Variants in CDH13 observed in about 807,000 individuals in gnomAD.
CDH13 encodes cadherin 13.
In CDH13, 24 loss-of-function variants were observed where a neutral mutation model predicts 63.8. That is an observed-to-expected ratio of 0.38 (90% CI 0.27 to 0.53). The LOEUF is 0.53. CDH13 is among the 20% of genes least tolerant of loss of function. CDH13 has a pLI of 0.85. For missense variants in CDH13, 1,049 were observed against 903.1 expected (o/e 1.16, Z -2.07); for synonymous variants, 503 against 355.3 (o/e 1.42, Z -4.67).
chr16:83,494,368 A>AAG lies in CDH13; in HGVS notation c.960+7717_960+7718dup, dbSNP rs563680333. Among the ~76,000 whole-genome samples, 720 of 152,316 alleles carry AAG rather than the reference A, an allele frequency of 4.7e-3. 9 individuals are homozygous for AAG. The highest frequency in any genetic ancestry group is 0.016 in the African/African-American group (672 of 41,564). On this transcript the variant is annotated intron_variant, in intron 7 of 13. Coordinates refer to ENST00000567109, the MANE Select transcript of CDH13 (RefSeq NM_001257.5). The stretch of plus-strand genomic sequence containing the variant: ...ATGTTAATGCAGGTTTTGCTTCATC[A>AAG]AGAGATTTTCCAGTTATTGAACTTA...
chr16:83,267,829 C>T (rs151211193), intron 5 of CDH13, among the ~76,000 whole-genome samples: 1 of 152,274 alleles, frequency 6.6e-6, no homozygotes, highest in African/African-American at 2.4e-5. Flanking sequence ...GTTGTCATAG[C>T]ATAAAATGGA....
At chr16:83,302,982 C>G (rs547704493) in intron 5 of CDH13, among the ~76,000 whole-genome samples, 110 of 152,326 alleles carry the variant, frequency 7.2e-4, no homozygotes, top group African/African-American at 2.4e-3. Flanking sequence ...CTTTTCATGT[C>G]TCTGATCTAT....
chr16:82,990,616 G>A (rs1284631133), intron 2 of CDH13, among the ~76,000 whole-genome samples: 9 of 149,834 alleles, frequency 6.0e-5, no homozygotes, highest in African/African-American at 2.0e-4. Flanking sequence ...GCACAATCAC[G>A]GCTCACTGCC....
At chr16:82,976,690 A>T (rs17744976) in intron 2 of CDH13, among the ~76,000 whole-genome samples, 3 of 152,174 alleles carry the variant, frequency 2.0e-5, no homozygotes, top group Non-Finnish European at 4.4e-5. Context: ...TGAGGGGTTC[A>T]GACTCCCAAA....
chr16:83,615,549 C>G (rs1209410039), intron 8 of CDH13, among the ~76,000 whole-genome samples: 1 of 152,058 alleles, frequency 6.6e-6, no homozygotes, highest in African/African-American at 2.4e-5. Flanking sequence ...ACATATCTGA[C>G]AGTTTTCAGT....
At chr16:83,163,548 C>G (rs538911239) in intron 4 of CDH13, among the ~76,000 whole-genome samples, 2 of 152,278 alleles carry the variant, frequency 1.3e-5, no homozygotes, top group East Asian at 1.9e-4. Flanking sequence ...TGTCCAGCCC[C>G]GTTCCTCCTG....
At chr16:83,529,442 A>T (rs1025968179) in intron 7 of CDH13, among the ~76,000 whole-genome samples, 5 of 152,212 alleles carry the variant, frequency 3.3e-5, no homozygotes, top group Non-Finnish European at 7.3e-5. Context: ...TTAGATCTCC[A>T]TTCACACTAC....
chr16:83,058,376 A>G (rs2031170702), intron 3 of CDH13, among the ~76,000 whole-genome samples: 1 of 152,194 alleles, frequency 6.6e-6, no homozygotes, highest in Admixed American at 6.5e-5. Context: ...TTCTTCAAGA[A>G]AAGTGTTTGT....
At chr16:82,931,688 G>A (rs772612402) in intron 2 of CDH13, among the ~76,000 whole-genome samples, 24 of 152,056 alleles carry the variant, frequency 1.6e-4, no homozygotes, top group Non-Finnish European at 2.9e-4. Flanking sequence ...GAAGGCAAAG[G>A]CATGACTTAC....
intron 10 of CDH13, among the ~76,000 whole-genome samples, chr16:83,745,371 C>A (rs553989362): frequency 1.6e-4 from 25 of 152,236 alleles, no homozygotes; most frequent in Middle Eastern, 3.4e-3. Context: ...AGGATTGATA[C>A]CAACCCAGAC....
At chr16:83,649,659 G>C (rs1239001747) in intron 8 of CDH13, among the ~76,000 whole-genome samples, 1 of 152,294 alleles carries the variant, frequency 6.6e-6, no homozygotes, top group Non-Finnish European at 1.5e-5. Flanking sequence ...CCTGCAGCCA[G>C]GGGAAGGAGG....
chr16:82,941,856 G>T (rs958559071), intron 2 of CDH13, among the ~76,000 whole-genome samples: 1 of 152,054 alleles, frequency 6.6e-6, no homozygotes. Flanking sequence ...TCATACCCAG[G>T]AAGTTGTTCT....
chr16:83,595,686 A>G (rs539645869), intron 7 of CDH13, among the ~76,000 whole-genome samples: 8 of 152,360 alleles, frequency 5.3e-5, no homozygotes, highest in Admixed American at 2.6e-4. Flanking sequence ...CACCAAGTAC[A>G]TAACTTCTGC....
intron 1 of CDH13, among the ~76,000 whole-genome samples, chr16:82,729,689 C>T (rs1009378686): frequency 6.6e-6 from 1 of 152,110 alleles, no homozygotes; most frequent in Non-Finnish European, 1.5e-5. Flanking sequence ...GCTGTTTAGC[C>T]CCTAACAAGA....
intron 5 of CDH13, among the ~76,000 whole-genome samples, chr16:83,236,567 A>G (rs554487668): frequency 2.6e-5 from 4 of 152,134 alleles, no homozygotes; most frequent in Non-Finnish European, 5.9e-5. Context: ...GCCTTCCTAA[A>G]ATGCTGCAAG....
chr16:83,287,488 A>C (rs1296791558), intron 5 of CDH13, among the ~76,000 whole-genome samples: 1 of 152,116 alleles, frequency 6.6e-6, no homozygotes, highest in East Asian at 1.9e-4. Context: ...GCAGCATTAG[A>C]TTCTCATACG....
intron 4 of CDH13, among the ~76,000 whole-genome samples, chr16:83,199,462 A>C (rs2038964203): frequency 6.6e-6 from 1 of 152,212 alleles, no homozygotes; most frequent in Non-Finnish European, 1.5e-5. Flanking sequence ...CCCATTGGAC[A>C]AATGACTTCA....
intron 11 of CDH13, among the ~76,000 whole-genome samples, chr16:83,754,850 T>TA (rs1349363864): frequency 5.3e-5 from 8 of 152,182 alleles, no homozygotes; most frequent in Non-Finnish European, 1.0e-4. Flanking sequence ...GAAAATGGAC[T>TA]AATACATCAT....
At chr16:82,830,556 C>T (rs760243242) in intron 1 of CDH13, among the ~76,000 whole-genome samples, 4 of 152,110 alleles carry the variant, frequency 2.6e-5, no homozygotes, top group Admixed American at 6.5e-5. Context: ...GGGGTGGGAG[C>T]GCTTAGAAGA....
Sources: allele counts gnomAD v4.1 joint callset (sites outside exome capture counted in the v4.1 genomes callset), GRCh38; gene constraint gnomAD v4.1.1; transcripts MANE v1.5; gene names NCBI Gene and HGNC (gene_info 2026-07-23, HGNC 2026-07-21).